The following ADH4 variants were observed in gnomAD, a reference collection of about 807,000 sequenced individuals.
The protein encoded by ADH4 is all-trans-retinol dehydrogenase [NAD(+)] ADH4.
A neutral mutation model predicts 35.2 loss-of-function variants in ADH4; 31 were observed. The observed-to-expected ratio is 0.88, with a 90% CI of 0.66 to 1.19. The LOEUF (loss-of-function observed/expected upper bound fraction) is 1.19. Among genes scored for constraint, ADH4 ranks in the 50% most tolerant of loss-of-function variants. ADH4 has a pLI of 0.00. For missense variants in ADH4, 476 were observed against 458.3 expected, an observed-to-expected ratio of 1.04 and a Z score of -0.35; for synonymous variants, 171 against 160.2, an observed-to-expected ratio of 1.07 and a Z score of -0.51.
At chr4:99,138,090 A>T (rs1729502043) in intron 4 of ADH4, among the ~76,000 whole-genome samples, 1 of 152,054 alleles carries the variant, frequency 6.6e-6, no homozygotes, top group Non-Finnish European at 1.5e-5. Flanking sequence ...TAAACACTTG[A>T]TCTGATTCAG....
At chr4:99,126,522 C>T in intron 8 of ADH4, 72 bp downstream of exon 8, 1 of 1,484,154 alleles carries the variant, frequency 6.7e-7, no homozygotes, top group Non-Finnish European at 9.2e-7. Flanking sequence ...CTGGTTGCTT[C>T]TTAACATCAA....
At chr4:99,137,312 G>A (rs1183960390) in intron 4 of ADH4, among the ~76,000 whole-genome samples, 1 of 151,990 alleles carries the variant, frequency 6.6e-6, no homozygotes, top group Non-Finnish European at 1.5e-5. Context: ...ATTTTTAGTA[G>A]AGATGAGCTT....
intron 1 of ADH4, among the ~76,000 whole-genome samples, chr4:99,143,726 C>A (rs1456435123): frequency 6.6e-6 from 1 of 151,824 alleles, no homozygotes; most frequent in African/African-American, 2.4e-5. Flanking sequence ...TTCAAAATGC[C>A]AAGGCCTATC....
chr4:99,133,865 G>A (rs1338800310), intron 5 of ADH4: 1 of 152,072 alleles, frequency 6.6e-6, no homozygotes, highest in African/African-American at 2.4e-5. Context: ...AAACTGCAAT[G>A]TTTTCCTTAT....
intron 6 of ADH4, among the ~76,000 whole-genome samples, chr4:99,129,210 T>C (rs1729195910): frequency 6.6e-6 from 1 of 151,964 alleles, no homozygotes. Context: ...GTTATAAATA[T>C]AAAAATGTAT....
At chr4:99,138,953 T>G in intron 4 of ADH4, 108 bp downstream of exon 4, 1 of 695,260 alleles carries the variant, frequency 1.4e-6, no homozygotes, top group South Asian at 2.0e-5. Context: ...GGATTAGAAT[T>G]AGTGGGTGGA....
intron 4 of ADH4, among the ~76,000 whole-genome samples, chr4:99,137,557 C>T (rs528599523): frequency 3.3e-5 from 5 of 152,268 alleles, no homozygotes; most frequent in Admixed American, 1.3e-4. Flanking sequence ...CCACCGCACC[C>T]GGCCAGGGAA....
chr4:99,124,438 A>G lies in ADH4; in HGVS notation c.*4T>C. ...GATAGTATTCTGAATTGCTCCTGGCATCTTCAAAAGATGAGGATTGTTCGG... is the reference window on the plus strand; with the variant it reads ...GATAGTATTCTGAATTGCTCCTGGCGTCTTCAAAAGATGAGGATTGTTCGG... On this transcript the variant is annotated 3_prime_UTR_variant, in exon 9 of 9. Transcript: ENST00000265512. 1.3e-6 allele frequency: 2 copies of G among 1,490,304 alleles called. No individual in the cohort carries two copies. Among genetic ancestry groups the G allele is most frequent in the South Asian group, 1.2e-5 (1 of 82,744 alleles). 92.3% of individuals were successfully genotyped at this position (1,490,304 alleles called of 1,614,324 possible). A position where few individuals can be genotyped will look rare whatever the true frequency, so the allele number is the denominator to read the frequency against.
chr4:99,141,698 A>G lies in ADH4; in HGVS notation c.121-16T>C, dbSNP rs748766354. On this transcript the variant is annotated splice_polypyrimidine_tract_variant and intron_variant, in intron 2 of 8. Transcript: ENST00000265512. ...TAGCAATGATCTACAAGGCAATCACAGACTTTAATTGTGTTTCTGCAACTA... is the reference window on the plus strand; with the variant it reads ...TAGCAATGATCTACAAGGCAATCACGGACTTTAATTGTGTTTCTGCAACTA... 3.1e-6 allele frequency: 5 copies of G among 1,611,348 alleles called. No individual in the cohort carries two copies. The South Asian group carries it at 5.5e-5, about 18-fold the overall frequency.
In ADH4 at chr4:99,126,589, T is replaced by C. The variant is rs372994352; in HGVS notation, c.1118+5A>G. The C allele has an allele frequency of 1.4e-4, 231 of 1,598,606 alleles. No individual in the cohort carries two copies. Among genetic ancestry groups the C allele is most frequent in the Non-Finnish European group, 1.9e-4 (218 of 1,168,914 alleles). ...AAATCATTCAGTCATCTATTAGTAA[T>C]GTACCTTTTTCCTTGGTTCATTAGG... On this transcript the variant is annotated splice_donor_5th_base_variant and intron_variant, in intron 8 of 8. Coordinates refer to ENST00000265512, the MANE Select transcript of ADH4 (RefSeq NM_000670.5).
At chr4:99,143,718 C>A (rs1038670669) in intron 1 of ADH4, among the ~76,000 whole-genome samples, 2 of 151,912 alleles carry the variant, frequency 1.3e-5, no homozygotes, top group Non-Finnish European at 2.9e-5. Context: ...CAGGAAGTTT[C>A]AAAATGCCAA....
intron 3 of ADH4, among the ~76,000 whole-genome samples, chr4:99,139,969 A>G (rs1729560110): frequency 6.6e-6 from 1 of 152,212 alleles, no homozygotes; most frequent in South Asian, 2.1e-4. Flanking sequence ...ACTTTGGAGC[A>G]TTCTCATTAA....
intron 3 of ADH4, among the ~76,000 whole-genome samples, chr4:99,141,027 C>T (rs907145884): frequency 3.9e-5 from 6 of 152,136 alleles, no homozygotes; most frequent in African/African-American, 1.4e-4. Flanking sequence ...TTTTCTGAGC[C>T]TCTCCTCCCT....
chr4:99,141,226 C>T (rs1729604463), intron 3 of ADH4, among the ~76,000 whole-genome samples: 1 of 152,152 alleles, frequency 6.6e-6, no homozygotes, highest in African/African-American at 2.4e-5. Flanking sequence ...TGATCTTGTT[C>T]TTTTATAAGG....
chr4:99,139,220 A>G, intron 3 of ADH4, 72 bp from the exon 4 acceptor site: 1 of 962,874 alleles, frequency 1.0e-6, no homozygotes, highest in Non-Finnish European at 1.6e-6. Flanking sequence ...AAATCAGTGG[A>G]AAACACCTTT....
intron 6 of ADH4, 78 bp from the exon 7 acceptor site, chr4:99,127,422 T>C: frequency 8.1e-7 from 1 of 1,229,768 alleles, no homozygotes. Flanking sequence ...GTACAATGCT[T>C]TAGAAAAAAA....
At chr4:99,124,688 T>G (rs962518739) in intron 8 of ADH4, among the ~76,000 whole-genome samples, 9 of 152,188 alleles carry the variant, frequency 5.9e-5, no homozygotes, top group African/African-American at 2.2e-4. Context: ...GGACCCTTAC[T>G]CACCTTAGGC....
In ADH4 at chr4:99,124,423, T is replaced by C. The variant is rs1042364; in HGVS notation, c.*19A>G. On this transcript the variant is annotated 3_prime_UTR_variant, in exon 9 of 9. Transcript: ENST00000265512. ...GTTCACATTCAATCAGATAGTATTC[T>C]GAATTGCTCCTGGCATCTTCAAAAG... is the stretch of plus-strand genomic sequence containing the variant. 1,082,717 of 1,459,260 alleles carry C rather than the reference T, an allele frequency of 0.74. 408,810 individuals carry two copies. The highest frequency in any genetic ancestry group is 1 in the East Asian group (42,797 of 42,864). The allele number at this position is 1,459,260 out of a possible 1,614,324, so 90.4% of individuals were successfully genotyped here.
chr4:99,137,991 C>G (rs961624861), intron 4 of ADH4, among the ~76,000 whole-genome samples: 7 of 152,158 alleles, frequency 4.6e-5, no homozygotes, highest in Non-Finnish European at 7.4e-5. Context: ...GAGTTTTTCT[C>G]ATTCTGAATT....
Sources: allele counts gnomAD v4.1 joint callset (sites outside exome capture counted in the v4.1 genomes callset), GRCh38; gene constraint gnomAD v4.1.1; transcripts MANE v1.5; gene names NCBI Gene and HGNC (gene_info 2026-07-23, HGNC 2026-07-21).